Variants in XPR1 observed in about 807,000 individuals in gnomAD.
XPR1 encodes xenotropic and polytropic retrovirus receptor 1.
A neutral mutation model predicts 87.5 loss-of-function variants in XPR1; 28 were observed. The observed-to-expected ratio is 0.32, with a 90% CI of 0.24 to 0.44. The LOEUF (loss-of-function observed/expected upper bound fraction) is 0.44, where lower values mean the gene tolerates loss of function less well. Among genes scored for constraint, XPR1 ranks in the 20% least tolerant of loss-of-function variants. The probability of loss-of-function intolerance (pLI) is 1.00; values close to 1 mark genes in which losing one functional copy is unlikely to be tolerated. For synonymous variants in XPR1, 300 were observed against 306.1 expected (o/e 0.98, Z 0.21); for missense variants, 559 against 862.3 (o/e 0.65, Z 4.41).
chr1:180,676,252 C>T (rs1038454325), intron 1 of XPR1, among the ~76,000 whole-genome samples: 5 of 152,150 alleles, frequency 3.3e-5, no homozygotes, highest in African/African-American at 7.2e-5. Flanking sequence ...ATTTATTGAG[C>T]GCCTACTGTG....
At chr1:180,833,826 A>G (rs1014712330) in intron 9 of XPR1, among the ~76,000 whole-genome samples, 1 of 152,230 alleles carries the variant, frequency 6.6e-6, no homozygotes, top group Non-Finnish European at 1.5e-5. Flanking sequence ...CATCTTTTTT[A>G]GATGAATTAT....
chr1:180,833,392 A>G (rs1385018769), intron 9 of XPR1, among the ~76,000 whole-genome samples: 1 of 152,228 alleles, frequency 6.6e-6, no homozygotes, highest in African/African-American at 2.4e-5. Context: ...CAAATTGGAT[A>G]AAGAGTCAAG....
chr1:180,852,819 G>A (rs963797151), intron 11 of XPR1, among the ~76,000 whole-genome samples: 1 of 152,062 alleles, frequency 6.6e-6, no homozygotes, highest in Non-Finnish European at 1.5e-5. Flanking sequence ...GAGCCACCAC[G>A]TCCAGCCTTC....
chr1:180,659,601 C>CCCCG (rs1557943928), intron 1 of XPR1, among the ~76,000 whole-genome samples: 2 of 127,010 alleles, frequency 1.6e-5, no homozygotes, highest in African/African-American at 6.3e-5. Flanking sequence ...CCCCACCCCC[C>CCCCG]ACCCCCCGCC....
chr1:180,706,256 T>A (rs1237243442), intron 2 of XPR1, among the ~76,000 whole-genome samples: 1 of 152,194 alleles, frequency 6.6e-6, no homozygotes, highest in Non-Finnish European at 1.5e-5. Flanking sequence ...TTCAGAAGTA[T>A]CCATAAAAAT....
chr1:180,731,665 A>G (rs577166618), intron 2 of XPR1, among the ~76,000 whole-genome samples: 7 of 152,330 alleles, frequency 4.6e-5, no homozygotes, highest in African/African-American at 1.4e-4. Context: ...ATTTAATACT[A>G]TTTTATTTAA....
intron 7 of XPR1, among the ~76,000 whole-genome samples, chr1:180,824,312 G>A (rs1204066211): frequency 6.6e-6 from 1 of 152,214 alleles, no homozygotes; most frequent in Non-Finnish European, 1.5e-5. Context: ...GCCAGGCGGG[G>A]TGGTTCATGC....
chr1:180,723,380 A>G (rs1658237186), intron 2 of XPR1, among the ~76,000 whole-genome samples: 1 of 152,200 alleles, frequency 6.6e-6, no homozygotes, highest in Non-Finnish European at 1.5e-5. Flanking sequence ...ATATACTCCA[A>G]TTATTATACC....
chr1:180,667,754 A>G (rs767967138), intron 1 of XPR1, among the ~76,000 whole-genome samples: 1 of 152,154 alleles, frequency 6.6e-6, no homozygotes, highest in Non-Finnish European at 1.5e-5. Flanking sequence ...TATGGAGTCA[A>G]TCTTCTTACT....
chr1:180,739,381 T>C (rs191696105), intron 2 of XPR1, among the ~76,000 whole-genome samples: 15 of 152,350 alleles, frequency 9.8e-5, no homozygotes, highest in Non-Finnish European at 2.1e-4. Flanking sequence ...GGCTTTTGCC[T>C]TTTTATCCAG....
intron 2 of XPR1, among the ~76,000 whole-genome samples, chr1:180,758,020 T>C (rs1429176347): frequency 1.3e-5 from 2 of 151,740 alleles, no homozygotes; most frequent in African/African-American, 4.8e-5. Context: ...ATGTGAAATG[T>C]CTTACAGAAG....
rs909936155 is a variant in XPR1 at position 180,857,187 on chromosome 1, T to A, written c.1502-6521T>A. On this transcript the variant is annotated intron_variant, in intron 11 of 14. Transcript: ENST00000367590. ...CACCTTCACATGAAAATGTGGCTGG[T>A]TCCTTGTCAGTACCCAAGTCCCAAC... 5.8e-4 allele frequency among the ~76,000 whole-genome samples: 87 copies of A among 150,846 alleles called. 1 individual carries two copies. The highest frequency in any genetic ancestry group is 3.9e-4 in the Admixed American group (6 of 15,252).
At chr1:180,805,994 G>GCTTAT in intron 4 of XPR1, 68 bp from the exon 5 acceptor site, 1 of 1,545,598 alleles carries the variant, frequency 6.5e-7, no homozygotes, top group South Asian at 1.2e-5. Flanking sequence ...AGTGCTTAGT[G>GCTTAT]CTTATTCTTT....
rs374515888 is a variant in XPR1, at chr1:180,730,983, CTT to C, written c.121+48574_121+48575del. The stretch of plus-strand genomic sequence containing the variant: ...TGCAAATATCCTTGCTTTGGTGAAT[CTT>C]TGTGTATTCAGGTGATTCTCTGTTC... On this transcript the variant is annotated intron_variant, in intron 2 of 14. Coordinates refer to ENST00000367590, the MANE Select transcript of XPR1 (RefSeq NM_004736.4). Among the ~76,000 whole-genome samples, 898 of 152,220 alleles carry C rather than the reference CTT, an allele frequency of 5.9e-3. 10 individuals carry two copies. Among genetic ancestry groups the C allele is most frequent in the African/African-American group, 0.021 (858 of 41,520 alleles).
At chr1:180,774,351 C>CT (rs1014202920) in intron 2 of XPR1, among the ~76,000 whole-genome samples, 45 of 136,146 alleles carry the variant, frequency 3.3e-4, no homozygotes, top group African/African-American at 1.2e-3. Context: ...TTTTTTAATA[C>CT]TTTTTTTAAA....
chr1:180,738,738 TCTCA>T (rs1423302726), intron 2 of XPR1, among the ~76,000 whole-genome samples: 2 of 152,212 alleles, frequency 1.3e-5, no homozygotes, highest in Non-Finnish European at 2.9e-5. Context: ...TTTTCTGTGT[TCTCA>T]CTCTTGAGTT....
chr1:180,832,143 C>G (rs1558030353), intron 9 of XPR1, among the ~76,000 whole-genome samples: 1 of 152,288 alleles, frequency 6.6e-6, no homozygotes, highest in East Asian at 1.9e-4. Flanking sequence ...TCACTAATGA[C>G]CAGTAATGAT....
intron 2 of XPR1, among the ~76,000 whole-genome samples, chr1:180,714,405 CGTCT>C (rs141207072): frequency 0.016 from 1,979 of 120,396 alleles, 56 homozygotes; most frequent in African/African-American, 0.051. Context: ...CTCTCTCTGT[CGTCT>C]GTCTGTCTGT....
At chr1:180,647,716 A>G (rs1655163698) in intron 1 of XPR1, among the ~76,000 whole-genome samples, 1 of 151,994 alleles carries the variant, frequency 6.6e-6, no homozygotes, top group African/African-American at 2.4e-5. Context: ...CTGGCCCAAC[A>G]TGGTGAAACC....
Sources: allele counts gnomAD v4.1 joint callset (sites outside exome capture counted in the v4.1 genomes callset), GRCh38; gene constraint gnomAD v4.1.1; transcripts MANE v1.5; gene names NCBI Gene and HGNC (gene_info 2026-07-23, HGNC 2026-07-21).